STT3B: variants seen among roughly 807,000 people sequenced by gnomAD.
STT3B encodes the protein dolichyl-diphosphooligosaccharide--protein glycosyltransferase subunit STT3B.
In STT3B, 29 loss-of-function variants were observed where a neutral mutation model predicts 96.8. The ratio of observed to expected loss-of-function variants is 0.30; its 90% confidence interval spans 0.22 to 0.41. The LOEUF (loss-of-function observed/expected upper bound fraction) is 0.41, where lower values mean the gene tolerates loss of function less well. STT3B is among the 10% of genes least tolerant of loss of function. STT3B has a pLI of 1.00. For missense variants in STT3B, 640 were observed against 1,022.3 expected (o/e 0.63, Z 5.10); for synonymous variants, 367 against 360.0 (o/e 1.02, Z -0.22).
chr3:31,542,402 G>A (rs75443230), intron 1 of STT3B, among the ~76,000 whole-genome samples: 2,716 of 152,270 alleles, frequency 0.018, 86 homozygotes, highest in African/African-American at 0.06. Flanking sequence ...TCCTGGTTTT[G>A]AGGTATTTTG....
chr3:31,622,963 C>T (rs1699460760), intron 10 of STT3B, among the ~76,000 whole-genome samples: 1 of 152,136 alleles, frequency 6.6e-6, no homozygotes, highest in Non-Finnish European at 1.5e-5. Context: ...TTAAACTTCC[C>T]AGTATCAGTA....
intron 7 of STT3B, among the ~76,000 whole-genome samples, chr3:31,617,629 A>G (rs569952006): frequency 6.6e-6 from 1 of 151,818 alleles, no homozygotes; most frequent in Admixed American, 6.6e-5. Context: ...TTTTTAAATG[A>G]TCTGGTCTTG....
At chr3:31,602,124 G>A (rs1698941990) in intron 5 of STT3B, among the ~76,000 whole-genome samples, 1 of 151,956 alleles carries the variant, frequency 6.6e-6, no homozygotes. Flanking sequence ...ACCTGTCTCT[G>A]ATTGCATGAA....
chr3:31,617,682 A>T (rs549358177), intron 7 of STT3B, among the ~76,000 whole-genome samples: 1 of 152,084 alleles, frequency 6.6e-6, no homozygotes, highest in South Asian at 2.1e-4. Flanking sequence ...GCTTAAGAGA[A>T]TTGGAAAACT....
At chr3:31,571,945 ATAT>A (rs936758063) in intron 1 of STT3B, among the ~76,000 whole-genome samples, 31 of 137,500 alleles carry the variant, frequency 2.3e-4, no homozygotes, top group African/African-American at 4.3e-4. Flanking sequence ...ATTATATATA[ATAT>A]TAAATATATA....
At chr3:31,588,090 C>G (rs534575832) in intron 3 of STT3B, among the ~76,000 whole-genome samples, 14 of 152,110 alleles carry the variant, frequency 9.2e-5, no homozygotes, top group Admixed American at 4.6e-4. Flanking sequence ...AAATAACATT[C>G]TCTTGCAGCT....
intron 4 of STT3B, among the ~76,000 whole-genome samples, chr3:31,599,568 G>A (rs898984810): frequency 6.6e-6 from 1 of 152,152 alleles, no homozygotes; most frequent in African/African-American, 2.4e-5. Flanking sequence ...AGATATGCTA[G>A]CATATAGTCT....
At chr3:31,586,812 T>C (rs1698549050) in intron 3 of STT3B, among the ~76,000 whole-genome samples, 1 of 152,148 alleles carries the variant, frequency 6.6e-6, no homozygotes, top group Admixed American at 6.6e-5. Flanking sequence ...AGTAATCTAA[T>C]GTTATTTCTC....
chr3:31,593,656 G>A (rs1453702226), intron 3 of STT3B, among the ~76,000 whole-genome samples: 1 of 152,002 alleles, frequency 6.6e-6, no homozygotes, highest in African/African-American at 2.4e-5. Context: ...TTGCCATTAA[G>A]CCTACTTAGT....
chr3:31,625,772 T>C (rs574375210), intron 12 of STT3B, among the ~76,000 whole-genome samples, 182 bp from the exon 13 acceptor site: 5 of 152,230 alleles, frequency 3.3e-5, no homozygotes, highest in South Asian at 2.1e-4. Context: ...AAATTAGTTA[T>C]AGTAGTTGAG....
chr3:31,545,429 TCA>T (rs1181739465), intron 1 of STT3B, among the ~76,000 whole-genome samples: 1 of 152,234 alleles, frequency 6.6e-6, no homozygotes, highest in African/African-American at 2.4e-5. Context: ...TGTGTAAGAA[TCA>T]CAACATAATA....
intron 1 of STT3B, among the ~76,000 whole-genome samples, chr3:31,553,725 AT>A (rs1200418834): frequency 6.6e-6 from 1 of 152,176 alleles, no homozygotes; most frequent in African/African-American, 2.4e-5. Flanking sequence ...TATACTTTAG[AT>A]TTTAAAAATG....
At chr3:31,579,486 A>T (rs1163558296) in intron 2 of STT3B, among the ~76,000 whole-genome samples, 2 of 143,862 alleles carry the variant, frequency 1.4e-5, no homozygotes, top group African/African-American at 5.6e-5. Context: ...ATAAAAAAAA[A>T]AAAAAAAAAA....
chr3:31,565,269 A>C (rs533981773), intron 1 of STT3B, among the ~76,000 whole-genome samples: 44 of 152,346 alleles, frequency 2.9e-4, no homozygotes, highest in African/African-American at 9.9e-4. Context: ...CCATTTCTTC[A>C]TTCTTTTTGT....
At chr3:31,633,595 A>G (rs1286259372) in intron 15 of STT3B, among the ~76,000 whole-genome samples, 1 of 149,496 alleles carries the variant, frequency 6.7e-6, no homozygotes, top group Non-Finnish European at 1.5e-5. Flanking sequence ...GCCCAAAAAA[A>G]TCATTTATCT....
chr3:31,628,341 A>C (rs1453067367), intron 13 of STT3B, among the ~76,000 whole-genome samples: 3 of 152,158 alleles, frequency 2.0e-5, no homozygotes, highest in African/African-American at 7.2e-5. Flanking sequence ...TTTCCATGTT[A>C]GAATATGGAG....
chr3:31,598,157 G>T (rs1698836469), intron 4 of STT3B, among the ~76,000 whole-genome samples: 1 of 151,992 alleles, frequency 6.6e-6, no homozygotes, highest in African/African-American at 2.4e-5. Context: ...TTTTTAAATA[G>T]CTCTGACAAG....
At chr3:31,600,222 G>A in intron 4 of STT3B, 138 bp from the exon 5 acceptor site, 1 of 416,616 alleles carries the variant, frequency 2.4e-6, no homozygotes. Flanking sequence ...TCATAGGTTA[G>A]TAAGTTCTTA....
At chr3:31,566,281 A>G (rs1698003826) in intron 1 of STT3B, among the ~76,000 whole-genome samples, 2 of 152,180 alleles carry the variant, frequency 1.3e-5, no homozygotes, top group Non-Finnish European at 2.9e-5. Context: ...GATCATGCTT[A>G]AGAATGTGGG....
Sources: allele counts gnomAD v4.1 joint callset (sites outside exome capture counted in the v4.1 genomes callset), GRCh38; gene constraint gnomAD v4.1.1; transcripts MANE v1.5; gene names NCBI Gene and HGNC (gene_info 2026-07-23, HGNC 2026-07-21).